The following MYO5A variants were observed in gnomAD, a reference collection of about 807,000 sequenced individuals.
MYO5A encodes the protein unconventional myosin-Va.
Under a neutral mutation model 249.7 loss-of-function variants are expected in MYO5A, and 98 were observed. The ratio of observed to expected loss-of-function variants is 0.39; its 90% CI spans 0.33 to 0.46. The LOEUF is 0.46. Ranked by LOEUF, MYO5A falls within the 20% of genes least tolerant of loss-of-function variation. MYO5A has a pLI of 0.98. For synonymous variants in MYO5A, 778 were observed against 810.6 expected, an observed-to-expected ratio of 0.96 and a Z score of 0.68; for missense variants, 1,696 against 2,308.8, an observed-to-expected ratio of 0.73 and a Z score of 5.44.
chr15:52,382,810 AT>A (rs1324713678), intron 16 of MYO5A, among the ~76,000 whole-genome samples: 1 of 152,164 alleles, frequency 6.6e-6, no homozygotes, highest in Non-Finnish European at 1.5e-5. Flanking sequence ...TCCCAGAGAG[AT>A]CAATTGAAGT....
intron 33 of MYO5A, among the ~76,000 whole-genome samples, chr15:52,336,990 T>C (rs1346573416): frequency 6.6e-6 from 1 of 152,228 alleles, no homozygotes; most frequent in Non-Finnish European, 1.5e-5. Context: ...TGTGAAGCAC[T>C]GTCTCTATGA....
At chr15:52,471,439 T>C (rs749686778) in intron 1 of MYO5A, among the ~76,000 whole-genome samples, 6 of 151,488 alleles carry the variant, frequency 4.0e-5, no homozygotes, top group East Asian at 3.9e-4. Flanking sequence ...CTCTGTCTCA[T>C]TTGAAAAAAG....
rs145324827 is a variant in MYO5A at position 52,427,171 on chromosome 15, A to G, written c.311-1197T>C. 4.0e-3 allele frequency among the ~76,000 whole-genome samples: 610 copies of G among 152,104 alleles called. 3 individuals are homozygous for G. The highest frequency in any genetic ancestry group is 6.4e-3 in the Admixed American group (97 of 15,264). On this transcript the variant is annotated intron_variant, in intron 3 of 41. Coordinates refer to ENST00000399233, the MANE Select transcript of MYO5A (RefSeq NM_001382347.1). ...TTATACTTTTCTGTATTTCCTAAGAATTTTTCTGTAGGTGTATATTAACTT... is the reference window on the plus strand; with the variant it reads ...TTATACTTTTCTGTATTTCCTAAGAGTTTTTCTGTAGGTGTATATTAACTT...
intron 1 of MYO5A, among the ~76,000 whole-genome samples, chr15:52,507,803 C>CAAAAAAAAAAAAAAAAAAAAAAAAAA (rs146846192): frequency 3.9e-5 from 5 of 127,164 alleles, no homozygotes; most frequent in Non-Finnish European, 6.5e-5. Context: ...GACCCTGTCC[C>CAAAAAAAAAAAAAAAAAAAAAAAAAA]CAAAAAAAAA....
chr15:52,473,474 CTA>C (rs1450744050), intron 1 of MYO5A, among the ~76,000 whole-genome samples: 1 of 152,174 alleles, frequency 6.6e-6, no homozygotes, highest in Admixed American at 6.5e-5. Context: ...TTGCCCATGC[CTA>C]TGTCCTGAAT....
chr15:52,512,214 T>A (rs2077406335), intron 1 of MYO5A, among the ~76,000 whole-genome samples: 1 of 151,984 alleles, frequency 6.6e-6, no homozygotes, highest in Non-Finnish European at 1.5e-5. Context: ...TGTTCCAATA[T>A]TGTTATAGTA....
At chr15:52,390,651 C>T (rs1406990746) in intron 12 of MYO5A, among the ~76,000 whole-genome samples, 2 of 151,444 alleles carry the variant, frequency 1.3e-5, no homozygotes, top group East Asian at 3.9e-4. Flanking sequence ...ACTCTGCCTC[C>T]CAGGCTCAAG....
At chr15:52,406,839 C>A (rs2043025058) in intron 8 of MYO5A, among the ~76,000 whole-genome samples, 1 of 152,142 alleles carries the variant, frequency 6.6e-6, no homozygotes, top group Admixed American at 6.6e-5. Flanking sequence ...CCACATTTCC[C>A]AGCCACAGAA....
intron 1 of MYO5A, among the ~76,000 whole-genome samples, chr15:52,516,826 G>C (rs2077505937): frequency 6.6e-6 from 1 of 152,180 alleles, no homozygotes; most frequent in Non-Finnish European, 1.5e-5. Flanking sequence ...ACAATGTCCT[G>C]ATAACATATT....
In MYO5A at chr15:52,309,600, C is replaced by T. The variant is rs559504590; in HGVS notation, c.*4096G>A. The T allele has an allele frequency of 2.6e-5, 4 of 152,322 alleles. No individual in the cohort carries two copies. The highest frequency in any genetic ancestry group is 5.9e-5 in the Non-Finnish European group (4 of 68,054). The allele number at this position is 152,322 out of a possible 1,614,324, so 9.4% of individuals were successfully genotyped here. ...AAGTCACTGCCCCTATCTCTATTCC[C>T]AAGCTATCATCAGAAATGATTGTAG... On this transcript the variant is annotated 3_prime_UTR_variant, in exon 42 of 42. Transcript: ENST00000399233.
At chr15:52,335,994 C>A (rs757208508) in intron 34 of MYO5A, among the ~76,000 whole-genome samples, 18 of 152,050 alleles carry the variant, frequency 1.2e-4, no homozygotes, top group Non-Finnish European at 2.6e-4. Flanking sequence ...GCCTTTGGAC[C>A]AACCTAATAG....
chr15:52,324,856 C>T (rs1486848573), intron 36 of MYO5A, among the ~76,000 whole-genome samples: 1 of 152,028 alleles, frequency 6.6e-6, no homozygotes, highest in East Asian at 1.9e-4. Flanking sequence ...GATATCAAAC[C>T]TAACTAAGTC....
In MYO5A at chr15:52,403,637, C is replaced by T. The variant is rs147331037; in HGVS notation, c.1053+1650G>A. Among the ~76,000 whole-genome samples, 68 of 152,252 alleles carry T rather than the reference C, an allele frequency of 4.5e-4. 1 individual carries two copies. In the East Asian group the frequency reaches 7.1e-3, roughly 16 times the overall value. On this transcript the variant is annotated intron_variant, in intron 9 of 41. Transcript: ENST00000399233. ...TAAACTGACTGTGGTGATGGTTGCA[C>T]ATATCTGTGAATGTACTAAAAGCCA...
chr15:52,353,501 C>T (rs2040054014), intron 27 of MYO5A, 104 bp downstream of exon 27: 3 of 951,822 alleles, frequency 3.2e-6, no homozygotes, highest in African/African-American at 3.2e-5. Flanking sequence ...ACCTCTGGTG[C>T]AATCTCCAAC....
intron 1 of MYO5A, among the ~76,000 whole-genome samples, chr15:52,467,137 C>T (rs572521566): frequency 3.9e-5 from 6 of 152,210 alleles, no homozygotes; most frequent in East Asian, 1.9e-4. Flanking sequence ...GGTATTATGG[C>T]GCCCTCAAAG....
chr15:52,502,636 A>G (rs2077183152), intron 1 of MYO5A, among the ~76,000 whole-genome samples: 1 of 152,248 alleles, frequency 6.6e-6, no homozygotes, highest in African/African-American at 2.4e-5. Flanking sequence ...CAGAGAGGAT[A>G]CCAACCTAGT....
At chr15:52,320,334 G>T (rs187165019) in intron 38 of MYO5A, among the ~76,000 whole-genome samples, 1 of 152,322 alleles carries the variant, frequency 6.6e-6, no homozygotes, top group African/African-American at 2.4e-5. Context: ...AGATTCCCTA[G>T]AACCGGCATG....
chr15:52,521,092 G>A (rs560851695), intron 1 of MYO5A, among the ~76,000 whole-genome samples: 1 of 152,098 alleles, frequency 6.6e-6, no homozygotes, highest in South Asian at 2.1e-4. Flanking sequence ...GCCAGGGGTG[G>A]TGGCACATGC....
At chr15:52,528,913 G>C, upstream of MYO5A, 1 of 1,022,394 alleles carries the variant, frequency 9.8e-7, no homozygotes, top group Non-Finnish European at 1.2e-6. Flanking sequence ...CAGGGAGCAG[G>C]GCAGGGCAGG....
Sources: allele counts gnomAD v4.1 joint callset (sites outside exome capture counted in the v4.1 genomes callset), GRCh38; gene constraint gnomAD v4.1.1; transcripts MANE v1.5; gene names NCBI Gene and HGNC (gene_info 2026-07-23, HGNC 2026-07-21).